Variants in PLXDC2 observed in about 807,000 individuals in gnomAD.
PLXDC2 encodes the protein plexin domain containing 2, also known as plexin domain-containing protein 2.
PLXDC2 carries 40 observed loss-of-function variants against 68.9 expected under a neutral mutation model. The ratio of observed to expected loss-of-function variants is 0.58; its 90% CI spans 0.45 to 0.76. The LOEUF (loss-of-function observed/expected upper bound fraction) is 0.76. Among genes scored for constraint, PLXDC2 ranks in the 30% least tolerant of loss-of-function variants. The pLI is 0.00. For synonymous variants in PLXDC2, 243 were observed against 234.2 expected (o/e 1.04, Z -0.34); for missense variants, 644 against 661.9 (o/e 0.97, Z 0.30).
intron 8 of PLXDC2, 27 bp downstream of exon 8, chr10:20,177,121 A>G: frequency 1.3e-6 from 2 of 1,525,384 alleles, no homozygotes; most frequent in Middle Eastern, 1.7e-4. Flanking sequence ...ACCTAGGTGG[A>G]AAACATGATT....
chr10:20,002,567 C>T (rs1589579858), intron 2 of PLXDC2, among the ~76,000 whole-genome samples: 2 of 152,092 alleles, frequency 1.3e-5, no homozygotes, highest in South Asian at 4.1e-4. Context: ...TCCTGTGTAA[C>T]AGCATCTAAG....
chr10:20,203,276 G>T (rs1337263834), intron 9 of PLXDC2, among the ~76,000 whole-genome samples: 1 of 147,726 alleles, frequency 6.8e-6, no homozygotes, highest in Admixed American at 6.8e-5. Context: ...ATTTGGAGGA[G>T]AGAGAAATAA....
chr10:20,156,920 G>C (rs1018715652), intron 6 of PLXDC2, among the ~76,000 whole-genome samples: 2 of 152,168 alleles, frequency 1.3e-5, no homozygotes, highest in Non-Finnish European at 2.9e-5. Context: ...TGGACTTTAT[G>C]TGTTTGTTTG....
At chr10:20,270,103 G>A (rs374550140) in intron 13 of PLXDC2, among the ~76,000 whole-genome samples, 1 of 152,048 alleles carries the variant, frequency 6.6e-6, no homozygotes, top group Non-Finnish European at 1.5e-5. Context: ...TAGAGAGTGA[G>A]CCAGAAGAAG....
intron 1 of PLXDC2, among the ~76,000 whole-genome samples, chr10:19,992,223 G>A (rs1834761832): frequency 6.6e-6 from 1 of 152,172 alleles, no homozygotes; most frequent in Non-Finnish European, 1.5e-5. Flanking sequence ...CTGGAGGGTA[G>A]TAGACTTTTC....
chr10:20,052,701 A>G (rs1391201253), intron 3 of PLXDC2, among the ~76,000 whole-genome samples: 1 of 148,176 alleles, frequency 6.7e-6, no homozygotes, highest in Non-Finnish European at 1.5e-5. Flanking sequence ...CCAAGAATAT[A>G]TATTCCGTCA....
chr10:20,278,660 C>T (rs1836040561), intron 13 of PLXDC2, among the ~76,000 whole-genome samples: 2 of 151,932 alleles, frequency 1.3e-5, no homozygotes, highest in South Asian at 4.2e-4. Flanking sequence ...TCATCCCTAC[C>T]TGATGTGAAA....
intron 9 of PLXDC2, among the ~76,000 whole-genome samples, chr10:20,200,186 T>C (rs374154469): frequency 6.6e-6 from 1 of 151,826 alleles, no homozygotes; most frequent in East Asian, 1.9e-4. Flanking sequence ...AGACACATGG[T>C]ATATTTGACA....
At chr10:19,836,378 G>A (rs1256608539) in intron 1 of PLXDC2, among the ~76,000 whole-genome samples, 2 of 152,152 alleles carry the variant, frequency 1.3e-5, no homozygotes, top group Non-Finnish European at 2.9e-5. Flanking sequence ...TAGGATCACT[G>A]TCTCAACAAA....
intron 4 of PLXDC2, among the ~76,000 whole-genome samples, chr10:20,089,612 G>T (rs1833249919): frequency 6.6e-6 from 1 of 152,128 alleles, no homozygotes; most frequent in Admixed American, 6.6e-5. Context: ...AATTACTATG[G>T]TTTTCTTTTG....
rs1836128449 is a variant in PLXDC2 at position 20,284,628 on chromosome 10, A to G, written c.*4809A>G. 1 of 151,890 alleles carries G rather than the reference A, an allele frequency of 6.6e-6. No homozygotes were observed. The highest frequency in any genetic ancestry group is 2.1e-4 in the South Asian group (1 of 4,806). 9.4% of individuals were successfully genotyped at this position (151,890 alleles called of 1,614,324 possible). A position where few individuals can be genotyped will look rare whatever the true frequency, so the allele number is the denominator to read the frequency against. ...GAATCGTGAGACATCATGTAATCCA[A>G]CCTCTTAATGTTACAGATAAGTAAA... is the stretch of plus-strand genomic sequence containing the variant. On this transcript the variant is annotated 3_prime_UTR_variant, in exon 14 of 14. Transcript: ENST00000377252.
chr10:20,022,072 G>C (rs1015452698), intron 2 of PLXDC2, among the ~76,000 whole-genome samples: 4 of 152,308 alleles, frequency 2.6e-5, no homozygotes, highest in African/African-American at 9.6e-5. Flanking sequence ...TCACGGAACT[G>C]TATTGTAGCA....
At chr10:20,271,626 A>T (rs537081738) in intron 13 of PLXDC2, among the ~76,000 whole-genome samples, 43 of 152,258 alleles carry the variant, frequency 2.8e-4, no homozygotes, top group African/African-American at 1.0e-3. Flanking sequence ...TGTGCTGAGG[A>T]CTGGGGAAAC....
intron 1 of PLXDC2, among the ~76,000 whole-genome samples, chr10:19,845,442 T>C (rs1039820301): frequency 1.3e-5 from 2 of 152,146 alleles, no homozygotes. Flanking sequence ...TGAGTGTTAA[T>C]GATAGAGCAA....
intron 4 of PLXDC2, among the ~76,000 whole-genome samples, chr10:20,122,317 C>T (rs184179109): frequency 0.044 from 6,746 of 152,070 alleles, 443 homozygotes; most frequent in African/African-American, 0.14. Flanking sequence ...GAGTAGCCTC[C>T]GTATTGATTA....
At chr10:19,993,665 A>C (rs1834790869) in intron 1 of PLXDC2, among the ~76,000 whole-genome samples, 1 of 152,084 alleles carries the variant, frequency 6.6e-6, no homozygotes, top group Non-Finnish European at 1.5e-5. Context: ...GGTGATCCAC[A>C]CACCTTGGCC....
At chr10:20,218,235 C>G (rs1835165800) in intron 11 of PLXDC2, among the ~76,000 whole-genome samples, 1 of 152,080 alleles carries the variant, frequency 6.6e-6, no homozygotes, top group Non-Finnish European at 1.5e-5. Flanking sequence ...AGGGCAGAAA[C>G]ATAAGACTGG....
chr10:20,237,331 G>C (rs1835446730), intron 12 of PLXDC2, among the ~76,000 whole-genome samples: 1 of 152,054 alleles, frequency 6.6e-6, no homozygotes. Flanking sequence ...AATATTGACA[G>C]GCCGGTAAGC....
intron 11 of PLXDC2, among the ~76,000 whole-genome samples, chr10:20,218,242 C>T (rs1049733203): frequency 6.6e-6 from 1 of 152,086 alleles, no homozygotes; most frequent in African/African-American, 2.4e-5. Context: ...AAACATAAGA[C>T]TGGCCACGAA....
Sources: allele counts gnomAD v4.1 joint callset (sites outside exome capture counted in the v4.1 genomes callset), GRCh38; gene constraint gnomAD v4.1.1; transcripts MANE v1.5; gene names NCBI Gene and HGNC (gene_info 2026-07-23, HGNC 2026-07-21).